Variants in ADAMTSL1 observed in about 807,000 individuals in gnomAD.
ADAMTSL1 encodes ADAMTS-like protein 1.
In ADAMTSL1, 126 loss-of-function variants were observed where a neutral mutation model predicts 201.8. That is an observed-to-expected ratio of 0.62 (90% CI 0.54 to 0.72). The LOEUF (loss-of-function observed/expected upper bound fraction) is 0.72. Ranked by LOEUF, ADAMTSL1 falls within the 30% of genes least tolerant of loss-of-function variation. The probability of loss-of-function intolerance (pLI) is 0.00; values close to 1 mark genes in which losing one functional copy is unlikely to be tolerated. For synonymous variants in ADAMTSL1, 1,121 were observed against 903.4 expected (o/e 1.24, Z -4.32); for missense variants, 2,679 against 2,277.8 (o/e 1.18, Z -3.59).
chr9:18,712,810 C>T (rs918364039), intron 14 of ADAMTSL1, among the ~76,000 whole-genome samples: 4 of 151,550 alleles, frequency 2.6e-5, no homozygotes, highest in Admixed American at 6.6e-5. Flanking sequence ...GATTCACCAA[C>T]ATTGAAATGA....
At chr9:18,162,022 A>T (rs550289116) in intron 1 of ADAMTSL1, among the ~76,000 whole-genome samples, 1 of 152,196 alleles carries the variant, frequency 6.6e-6, no homozygotes, top group African/African-American at 2.4e-5. Context: ...TTAAAGGCTT[A>T]AAATAGCACA....
At chr9:18,281,292 T>C (rs59122198) in intron 2 of ADAMTSL1, among the ~76,000 whole-genome samples, 7,245 of 152,206 alleles carry the variant, frequency 0.048, 581 homozygotes, top group African/African-American at 0.16. Context: ...TATATATATT[T>C]ACACTCACCA....
intron 23 of ADAMTSL1, among the ~76,000 whole-genome samples, chr9:18,864,714 G>C (rs1343765206): frequency 6.6e-6 from 1 of 152,168 alleles, no homozygotes; most frequent in Non-Finnish European, 1.5e-5. Flanking sequence ...AGTCACAGAA[G>C]CCAATGTAAA....
chr9:18,374,367 C>T (rs1381560529), intron 2 of ADAMTSL1, among the ~76,000 whole-genome samples: 5 of 151,426 alleles, frequency 3.3e-5, no homozygotes, highest in Admixed American at 2.0e-4. Flanking sequence ...TGGGGTCTCA[C>T]TCTGTCACCC....
chr9:18,078,838 G>A (rs79062770), intron 1 of ADAMTSL1, among the ~76,000 whole-genome samples: 127 of 152,278 alleles, frequency 8.3e-4, no homozygotes, highest in African/African-American at 2.8e-3. Context: ...TCAAAAAAAG[G>A]CAATGGAGCT....
At chr9:17,982,396 C>G (rs575165410) in intron 1 of ADAMTSL1, among the ~76,000 whole-genome samples, 1 of 151,980 alleles carries the variant, frequency 6.6e-6, no homozygotes, top group Non-Finnish European at 1.5e-5. Context: ...GGGTGGATCA[C>G]GAAGTAAGGA....
intron 4 of ADAMTSL1, among the ~76,000 whole-genome samples, chr9:18,599,431 C>G (rs1370621648): frequency 6.6e-6 from 1 of 152,120 alleles, no homozygotes; most frequent in African/African-American, 2.4e-5. Flanking sequence ...ATCATCTTGT[C>G]AGTTTAGAGG....
intron 20 of ADAMTSL1, among the ~76,000 whole-genome samples, chr9:18,803,087 C>T (rs777042433): frequency 6.6e-6 from 1 of 152,194 alleles, no homozygotes; most frequent in Admixed American, 6.5e-5. Flanking sequence ...TAACCACATA[C>T]TTAGAGACTT....
chr9:18,844,565 A>G (rs140296903), intron 23 of ADAMTSL1, among the ~76,000 whole-genome samples: 13 of 152,292 alleles, frequency 8.5e-5, no homozygotes, highest in Admixed American at 3.9e-4. Flanking sequence ...GCTCTCTTCA[A>G]TGCTGTCAGA....
intron 2 of ADAMTSL1, among the ~76,000 whole-genome samples, chr9:18,226,313 C>T (rs1381999197): frequency 6.6e-6 from 1 of 152,152 alleles, no homozygotes; most frequent in Non-Finnish European, 1.5e-5. Flanking sequence ...CCTGCAGCCT[C>T]TCTCTCTTGG....
At chr9:18,522,291 T>C (rs937916949) in intron 2 of ADAMTSL1, among the ~76,000 whole-genome samples, 2 of 152,020 alleles carry the variant, frequency 1.3e-5, no homozygotes, top group African/African-American at 4.8e-5. Flanking sequence ...GAGTCTAAAA[T>C]AAAAGTTGAA....
chr9:18,133,703 C>T (rs1003875683), intron 1 of ADAMTSL1, among the ~76,000 whole-genome samples: 4 of 152,082 alleles, frequency 2.6e-5, no homozygotes, highest in African/African-American at 7.2e-5. Context: ...ATTCTGAACC[C>T]AGAGTTCTTA....
At chr9:18,138,687 G>T (rs1416958008) in intron 1 of ADAMTSL1, among the ~76,000 whole-genome samples, 1 of 152,092 alleles carries the variant, frequency 6.6e-6, no homozygotes, top group Non-Finnish European at 1.5e-5. Flanking sequence ...GCGAGTTCTA[G>T]GAGTCCCAGA....
chr9:18,745,157 C>T (rs1038693736), intron 15 of ADAMTSL1, among the ~76,000 whole-genome samples: 2 of 152,086 alleles, frequency 1.3e-5, no homozygotes, highest in Non-Finnish European at 1.5e-5. Flanking sequence ...CATCATTAAC[C>T]TTTGACCCAC....
At chr9:18,778,020 C>T (rs1034163762) in intron 19 of ADAMTSL1, 114 bp downstream of exon 19, 2 of 1,349,246 alleles carry the variant, frequency 1.5e-6, no homozygotes, top group Middle Eastern at 2.3e-4. Context: ...TTAGAGCTGG[C>T]CTCGGGGACC....
intron 17 of ADAMTSL1, among the ~76,000 whole-genome samples, chr9:18,773,846 C>T (rs1389557194): frequency 2.0e-5 from 3 of 152,270 alleles, no homozygotes; most frequent in Non-Finnish European, 2.9e-5. Flanking sequence ...TACTTCCATC[C>T]CACCTGATCC....
intron 23 of ADAMTSL1, among the ~76,000 whole-genome samples, chr9:18,849,222 CT>C (rs1430559881): frequency 6.6e-6 from 1 of 152,176 alleles, no homozygotes; most frequent in African/African-American, 2.4e-5. Flanking sequence ...AGGGCCTTGA[CT>C]TGGAAGGCCT....
chr9:18,206,103 T>C (rs1829638884), intron 2 of ADAMTSL1, among the ~76,000 whole-genome samples: 1 of 142,222 alleles, frequency 7.0e-6, no homozygotes, highest in African/African-American at 2.6e-5. Flanking sequence ...AGAACCTAAA[T>C]TTTGACATGG....
At chr9:18,879,311 C>G (rs139968022) in intron 23 of ADAMTSL1, among the ~76,000 whole-genome samples, 2 of 152,244 alleles carry the variant, frequency 1.3e-5, no homozygotes, top group East Asian at 1.9e-4. Context: ...ACCAGAGAAC[C>G]CTACTGAAAC....
Sources: allele counts gnomAD v4.1 joint callset (sites outside exome capture counted in the v4.1 genomes callset), GRCh38; gene constraint gnomAD v4.1.1; transcripts MANE v1.5; gene names NCBI Gene and HGNC (gene_info 2026-07-23, HGNC 2026-07-21).